The following HMCN1 variants were observed in gnomAD, a reference collection of about 807,000 sequenced individuals.
HMCN1 encodes the protein hemicentin 1.
HMCN1 carries 321 observed loss-of-function variants against 625.9 expected under a neutral mutation model. The observed-to-expected ratio is 0.51, with a 90% CI of 0.47 to 0.56. The LOEUF (loss-of-function observed/expected upper bound fraction) is 0.56, where lower values mean the gene tolerates loss of function less well. Among genes scored for constraint, HMCN1 ranks in the 20% least tolerant of loss-of-function variants. The pLI is 0.00. For missense variants in HMCN1, 6,588 were observed against 6,887.3 expected, an observed-to-expected ratio of 0.96 and a Z score of 1.54; for synonymous variants, 2,425 against 2,417.6, an observed-to-expected ratio of 1.00 and a Z score of -0.09.
At chr1:186,005,452 A>T (rs1293520658) in intron 29 of HMCN1, among the ~76,000 whole-genome samples, 2 of 150,614 alleles carry the variant, frequency 1.3e-5, no homozygotes, top group Non-Finnish European at 3.0e-5. Flanking sequence ...ATTGTTTATA[A>T]ATGTTTATAA....
chr1:186,027,088 T>C (rs1165151028), intron 36 of HMCN1, among the ~76,000 whole-genome samples: 1 of 152,248 alleles, frequency 6.6e-6, no homozygotes, highest in African/African-American at 2.4e-5. Flanking sequence ...TCTTAGATGC[T>C]ACCATTCTTC....
chr1:185,989,305 A>T (rs1652240160), intron 20 of HMCN1, among the ~76,000 whole-genome samples, 183 bp from the exon 21 acceptor site: 1 of 151,780 alleles, frequency 6.6e-6, no homozygotes, highest in Non-Finnish European at 1.5e-5. Flanking sequence ...CAATTTTAGT[A>T]CTTTTATTTG....
intron 68 of HMCN1, among the ~76,000 whole-genome samples, chr1:186,097,672 T>C (rs962789777): frequency 5.3e-5 from 8 of 152,030 alleles, no homozygotes; most frequent in African/African-American, 1.4e-4. Context: ...AAAATACCAT[T>C]GGCATTCTTC....
chr1:185,976,070 A>T (rs187049475), intron 15 of HMCN1, among the ~76,000 whole-genome samples: 9 of 152,324 alleles, frequency 5.9e-5, no homozygotes, highest in Admixed American at 1.3e-4. Context: ...TAAAAAACAA[A>T]TGTAGTCTAA....
chr1:185,868,334 C>T (rs76983676), intron 4 of HMCN1, among the ~76,000 whole-genome samples: 1,870 of 152,206 alleles, frequency 0.012, 50 homozygotes, highest in African/African-American at 0.043. Flanking sequence ...GATATTGTTT[C>T]GCTGTGTCTC....
chr1:186,005,885 C>T (rs1653595771), intron 29 of HMCN1, among the ~76,000 whole-genome samples: 1 of 152,150 alleles, frequency 6.6e-6, no homozygotes, highest in Non-Finnish European at 1.5e-5. Flanking sequence ...CCTGTAATCC[C>T]AGCACTTTGG....
chr1:185,885,390 T>G (rs186735547), intron 4 of HMCN1, among the ~76,000 whole-genome samples: 4 of 152,100 alleles, frequency 2.6e-5, no homozygotes, highest in Non-Finnish European at 2.9e-5. Flanking sequence ...GTCCATTGAG[T>G]GTTATAGTTG....
chr1:185,752,290 G>T (rs1249632979), intron 1 of HMCN1, among the ~76,000 whole-genome samples: 4 of 151,824 alleles, frequency 2.6e-5, no homozygotes, highest in Non-Finnish European at 5.9e-5. Flanking sequence ...TACTGATAGG[G>T]CTCAGCTTTA....
At chr1:186,042,551 C>T (rs939320475) in intron 40 of HMCN1, among the ~76,000 whole-genome samples, 3 of 152,084 alleles carry the variant, frequency 2.0e-5, no homozygotes, top group Admixed American at 6.6e-5. Context: ...CATCACTGTT[C>T]CTTATCAGTT....
intron 4 of HMCN1, among the ~76,000 whole-genome samples, chr1:185,906,984 C>T (rs1666133639): frequency 6.8e-6 from 1 of 147,822 alleles, no homozygotes; most frequent in South Asian, 2.1e-4. Context: ...TAGGCAGACC[C>T]TTACAGCCAT....
At position 185,950,064 on chromosome 1, in the gene HMCN1, G is replaced by A. The variant is rs1407427195; in HGVS notation, c.1829-12454G>A. 5.9e-5 allele frequency among the ~76,000 whole-genome samples: 9 copies of A among 151,820 alleles called. No individual in the cohort carries two copies. In the East Asian group the frequency reaches 1.7e-3, roughly 29 times the overall value. Reference sequence around the variant, plus strand: ...CATCAATAAATCAAGCGTGATCAGGGTGAGGAACAGGAAAGAAGGAAATTT... The same window carrying A: ...CATCAATAAATCAAGCGTGATCAGGATGAGGAACAGGAAAGAAGGAAATTT... On this transcript the variant is annotated intron_variant, in intron 11 of 106. Transcript: ENST00000271588.
rs1029346551 is a variant in HMCN1 at position 186,001,690 on chromosome 1, G to A, written c.4297G>A (p.Ala1433Thr). The change falls in exon 28 of 107, where the codon GCA becomes ACA. Residue 1433 changes from alanine (A) to threonine (T), a missense_variant. By Grantham distance (58) the Ala-to-Thr change is moderately conservative. Transcript: ENST00000271588. ...PEDAGRYSCK[A>T]INIAGTSQKY... Reference sequence around the variant, plus strand: ...GGATGCAGGAAGATATTCCTGCAAAGCAATTAATATTGCAGGCACTTCTCA... The same window carrying A: ...GGATGCAGGAAGATATTCCTGCAAAACAATTAATATTGCAGGCACTTCTCA... The A allele has an allele frequency of 1.2e-5, 20 of 1,612,088 alleles. No homozygotes were observed. Among genetic ancestry groups the A allele is most frequent in the Non-Finnish European group, 1.6e-5 (19 of 1,178,552 alleles).
intron 84 of HMCN1, among the ~76,000 whole-genome samples, 158 bp from the exon 85 acceptor site, chr1:186,130,349 G>A (rs1268697380): frequency 6.6e-6 from 1 of 152,074 alleles, no homozygotes; most frequent in Non-Finnish European, 1.5e-5. Context: ...AAAATTATCT[G>A]GTGATTTAGC....
In HMCN1 at chr1:185,950,548, C is replaced by T. The variant is rs368489232; in HGVS notation, c.1829-11970C>T. 2.4e-4 allele frequency among the ~76,000 whole-genome samples: 37 copies of T among 151,688 alleles called. 2 individuals carry two copies. Among genetic ancestry groups the T allele is most frequent in the Admixed American group, 1.8e-3 (27 of 15,234 alleles). On this transcript the variant is annotated intron_variant, in intron 11 of 106. Transcript: ENST00000271588. ...AGGTGCTTGGGTTTGAGAGATCAGT[C>T]GGACACAATTGGCAGGGAGAGCACG...
chr1:185,982,486 G>C, intron 18 of HMCN1, 97 bp downstream of exon 18: 1 of 1,180,110 alleles, frequency 8.5e-7, no homozygotes, highest in Non-Finnish European at 1.2e-6. Flanking sequence ...TGTCACCTAG[G>C]CTGGAGTGCA....
At chr1:186,157,516 AG>A (rs1484811675) in intron 97 of HMCN1, among the ~76,000 whole-genome samples, 1 of 152,160 alleles carries the variant, frequency 6.6e-6, no homozygotes, top group Non-Finnish European at 1.5e-5. Context: ...TTTAAATTTT[AG>A]GGTACATGTG....
At position 186,144,538 on chromosome 1, in the gene HMCN1, G is replaced by A. The variant is rs1650164129; in HGVS notation, c.14101G>A (p.Gly4701Ser). 3 of 1,613,948 alleles carry A rather than the reference G, an allele frequency of 1.9e-6. No homozygotes were observed. In the African/African-American group the frequency reaches 4.0e-5, roughly 22 times the overall value. The change falls in exon 91 of 107, where the codon GGC (glycine) becomes AGC (serine). Residue 4701 changes from glycine to serine, a missense_variant. Physicochemically the swap from Gly to Ser is moderately conservative, Grantham distance 56. Around this residue, in one of 3 missense-constraint regions of HMCN1, gnomAD observed 1,954 missense variants for 2,013.1 expected, o/e 0.97. Transcript: ENST00000271588. ...ACCTTTTTCCCTTATTCCAGTTCAT[G>A]GCAAGTGGGCGACTTGGGCCAGTTG... ...VCNERNCPIH[G>S]KWATWASWSA...
At chr1:185,897,701 A>G (rs1665565853) in intron 4 of HMCN1, among the ~76,000 whole-genome samples, 1 of 152,132 alleles carries the variant, frequency 6.6e-6, no homozygotes. Flanking sequence ...TACACCTGAC[A>G]TACATTTTCT....
chr1:185,877,149 A>G (rs1209742512), intron 4 of HMCN1, among the ~76,000 whole-genome samples: 2 of 150,978 alleles, frequency 1.3e-5, no homozygotes, highest in Non-Finnish European at 2.9e-5. Flanking sequence ...TTTTCCCAGG[A>G]CTATTACTAA....
Sources: allele counts gnomAD v4.1 joint callset (sites outside exome capture counted in the v4.1 genomes callset), GRCh38; gene constraint gnomAD v4.1.1; regional missense constraint gnomAD v4.1.1; transcripts MANE v1.5; gene names NCBI Gene and HGNC (gene_info 2026-07-23, HGNC 2026-07-21).